ENOX1: variants seen among roughly 807,000 people sequenced by gnomAD.
ENOX1 encodes the protein ecto-NOX disulfide-thiol exchanger 1.
In ENOX1, 42 loss-of-function variants were observed where a neutral mutation model predicts 82.5. That is an observed-to-expected ratio of 0.51 (90% CI 0.40 to 0.66). The LOEUF (loss-of-function observed/expected upper bound fraction) is 0.66, where lower values mean the gene tolerates loss of function less well. Ranked by LOEUF, ENOX1 falls within the 30% of genes least tolerant of loss-of-function variation. The pLI is 0.00. For synonymous variants in ENOX1, 271 were observed against 282.2 expected, an observed-to-expected ratio of 0.96 and a Z score of 0.40; for missense variants, 608 against 811.6, an observed-to-expected ratio of 0.75 and a Z score of 3.05.
At chr13:43,622,726 T>G (rs567215894) in intron 2 of ENOX1, among the ~76,000 whole-genome samples, 2 of 152,100 alleles carry the variant, frequency 1.3e-5, no homozygotes, top group Non-Finnish European at 2.9e-5. Flanking sequence ...ATTTTTGTGC[T>G]GGTTAGCCTC....
intron 2 of ENOX1, among the ~76,000 whole-genome samples, chr13:43,646,339 T>C (rs954068800): frequency 1.3e-5 from 2 of 152,188 alleles, no homozygotes; most frequent in African/African-American, 4.8e-5. Flanking sequence ...ATATGATTGA[T>C]TAAATAAGTG....
chr13:43,587,900 G>A (rs1399365905), intron 2 of ENOX1, among the ~76,000 whole-genome samples: 1 of 151,600 alleles, frequency 6.6e-6, no homozygotes, highest in South Asian at 2.1e-4. Flanking sequence ...TGTGGAAATA[G>A]TTTTAGGAGG....
At chr13:43,514,519 AG>A (rs2077487276) in intron 2 of ENOX1, among the ~76,000 whole-genome samples, 1 of 152,100 alleles carries the variant, frequency 6.6e-6, no homozygotes, top group South Asian at 2.1e-4. Context: ...AACAGCTGGA[AG>A]GGAATGATGA....
chr13:43,707,611 T>C (rs1436697625), intron 1 of ENOX1, among the ~76,000 whole-genome samples: 1 of 151,442 alleles, frequency 6.6e-6, no homozygotes, highest in Non-Finnish European at 1.5e-5. Flanking sequence ...TGCTCGCCTG[T>C]AGTCCCAGCT....
At chr13:43,738,718 A>G (rs1340988812) in intron 1 of ENOX1, among the ~76,000 whole-genome samples, 1 of 45,482 alleles carries the variant, frequency 2.2e-5, no homozygotes, top group East Asian at 3.5e-4. Flanking sequence ...TAATATATAT[A>G]GATTTTTTTG....
chr13:43,642,961 A>G (rs1171800908), intron 2 of ENOX1, among the ~76,000 whole-genome samples: 1 of 152,262 alleles, frequency 6.6e-6, no homozygotes, highest in East Asian at 1.9e-4. Flanking sequence ...AAGGAAAAAT[A>G]CAAGTGGAAA....
At chr13:43,241,006 G>A (rs975195636) in intron 14 of ENOX1, among the ~76,000 whole-genome samples, 2 of 152,158 alleles carry the variant, frequency 1.3e-5, no homozygotes, top group Non-Finnish European at 2.9e-5. Context: ...TAAGATCCAT[G>A]AGAGTAGACT....
At chr13:43,471,958 A>G (rs1454906625) in intron 3 of ENOX1, among the ~76,000 whole-genome samples, 1 of 152,080 alleles carries the variant, frequency 6.6e-6, no homozygotes, top group Non-Finnish European at 1.5e-5. Context: ...ATAGTTAAAC[A>G]TTTGAATATA....
At chr13:43,470,077 A>G (rs936896203) in intron 3 of ENOX1, among the ~76,000 whole-genome samples, 1 of 151,262 alleles carries the variant, frequency 6.6e-6, no homozygotes, top group Admixed American at 6.6e-5. Context: ...TACAGAAAAT[A>G]AAAAACTCTA....
At chr13:43,267,828 T>C (rs1323378340) in intron 13 of ENOX1, among the ~76,000 whole-genome samples, 1 of 152,234 alleles carries the variant, frequency 6.6e-6, no homozygotes, top group Non-Finnish European at 1.5e-5. Flanking sequence ...AGATTCTTGG[T>C]ATCTGTGCTT....
At chr13:43,739,940 T>C (rs951472863) in intron 1 of ENOX1, among the ~76,000 whole-genome samples, 4 of 152,196 alleles carry the variant, frequency 2.6e-5, no homozygotes, top group African/African-American at 9.7e-5. Flanking sequence ...TTCCACTTAA[T>C]GAATAGTAAA....
intron 2 of ENOX1, among the ~76,000 whole-genome samples, chr13:43,549,049 T>C (rs7330918): frequency 0.97 from 147,727 of 152,296 alleles, 71,816 homozygotes; most frequent in East Asian, 1. Context: ...GAATTTATTA[T>C]ACTTTTTGAA....
chr13:43,400,409 T>A (rs1014608383), intron 5 of ENOX1, among the ~76,000 whole-genome samples: 1 of 152,204 alleles, frequency 6.6e-6, no homozygotes, highest in Non-Finnish European at 1.5e-5. Context: ...CCATGCAGGA[T>A]GTACATAGGT....
intron 5 of ENOX1, among the ~76,000 whole-genome samples, chr13:43,364,701 G>GC (rs11375015): frequency 0.83 from 125,854 of 152,110 alleles, 52,207 homozygotes; most frequent in South Asian, 0.92. Context: ...TTGAATTAAA[G>GC]ATCCATTCAG....
intron 1 of ENOX1, among the ~76,000 whole-genome samples, chr13:43,771,456 T>G (rs1040919463): frequency 5.9e-5 from 9 of 151,544 alleles, no homozygotes; most frequent in Non-Finnish European, 1.0e-4. Context: ...CTAGATGTTC[T>G]CTGTGACCTC....
rs35476412 is a variant in ENOX1, at chr13:43,222,380, T to TACACACACACACACAC, written c.1800+1657_1800+1672dup. Reference sequence around the variant, plus strand: ...CCTGCCCATTCCCAGGAGATGATTTTACACACACACACACACACACACACG... The same window carrying TACACACACACACACAC: ...CCTGCCCATTCCCAGGAGATGATTTTACACACACACACACACACACACACACACACACACACACACG... On this transcript the variant is annotated intron_variant, in intron 16 of 16. Coordinates refer to ENST00000690772, the MANE Select transcript of ENOX1 (RefSeq NM_001347969.2). Among the ~76,000 whole-genome samples the TACACACACACACACAC allele has an allele frequency of 1.1e-3, 160 of 149,194 alleles. 1 individual carries two copies. The highest frequency in any genetic ancestry group is 3.6e-3 in the African/African-American group (148 of 40,664).
intron 5 of ENOX1, among the ~76,000 whole-genome samples, chr13:43,403,645 G>C (rs759924573): frequency 1.3e-5 from 2 of 152,072 alleles, no homozygotes; most frequent in Non-Finnish European, 2.9e-5. Flanking sequence ...CCAGGAGTTA[G>C]AGCCCAGCCT....
chr13:43,727,019 G>A (rs904206334), intron 1 of ENOX1, among the ~76,000 whole-genome samples: 6 of 152,142 alleles, frequency 3.9e-5, no homozygotes, highest in African/African-American at 1.4e-4. Flanking sequence ...TGGGATTACA[G>A]GCGTGTGCAT....
At chr13:43,447,855 GTT>G (rs1022542104) in intron 3 of ENOX1, among the ~76,000 whole-genome samples, 3 of 152,186 alleles carry the variant, frequency 2.0e-5, no homozygotes, top group Admixed American at 6.5e-5. Flanking sequence ...ATTAAAATGT[GTT>G]TGTGTTCCTT....
Sources: gnomAD v4.1 joint callset for allele counts (sites outside exome capture counted in the v4.1 genomes callset) on GRCh38, gnomAD v4.1.1 for gene constraint, MANE v1.5 for transcripts, NCBI Gene and HGNC (gene_info 2026-07-23, HGNC 2026-07-21) for gene names.